The following NF2 variants were observed in gnomAD, a reference collection of about 807,000 sequenced individuals.
The protein encoded by NF2 is merlin.
NF2 carries 8 observed loss-of-function variants against 83.7 expected under a neutral mutation model. That is an observed-to-expected ratio of 0.10 (90% CI 0.06 to 0.17). The LOEUF is 0.17. Ranked by LOEUF, NF2 falls within the 10% of genes least tolerant of loss-of-function variation. The pLI is 1.00. For synonymous variants in NF2, 266 were observed against 269.6 expected (o/e 0.99, Z 0.13); for missense variants, 533 against 744.4 (o/e 0.72, Z 3.31).
At chr22:29,693,511 G>A (rs1434911861) in intron 15 of NF2, among the ~76,000 whole-genome samples, 2 of 151,996 alleles carry the variant, frequency 1.3e-5, no homozygotes, top group Non-Finnish European at 1.5e-5. Flanking sequence ...TTATGGAGCC[G>A]CCGATAGTAC....
chr22:29,694,991 A>C lies in NF2; in HGVS notation c.*189A>C, dbSNP rs754717476. 4.1e-5 allele frequency: 27 copies of C among 655,284 alleles called. No homozygotes were observed. Among genetic ancestry groups the C allele is most frequent in the Non-Finnish European group, 6.6e-5 (24 of 364,392 alleles). 40.6% of individuals were successfully genotyped at this position (655,284 alleles called of 1,614,324 possible). On this transcript the variant is annotated 3_prime_UTR_variant, in exon 16 of 16. Transcript: ENST00000338641. This position sits in a 1 kb window ranked among gnomAD's most constrained non-coding sequence, Gnocchi z 4.1. The stretch of plus-strand genomic sequence containing the variant: ...ATTGCCTTGAACTACGACCCTGTAG[A>C]GATTTCTCTCATGGCGTTCTAGTTC...
At chr22:29,641,235 A>G (rs1474226344) in intron 3 of NF2, among the ~76,000 whole-genome samples, 1 of 152,202 alleles carries the variant, frequency 6.6e-6, no homozygotes, top group African/African-American at 2.4e-5. Context: ...TGCTTGAGAA[A>G]CATCTCAGGT....
intron 4 of NF2, among the ~76,000 whole-genome samples, chr22:29,649,624 C>T (rs970091159): frequency 6.6e-6 from 1 of 152,082 alleles, no homozygotes; most frequent in Admixed American, 6.6e-5. Flanking sequence ...TGCCTGTAAT[C>T]CCAGCTACTC....
chr22:29,670,503 T>TTGTGTGTGTGTGTGTG (rs131255), intron 10 of NF2, among the ~76,000 whole-genome samples: 124 of 146,444 alleles, frequency 8.5e-4, no homozygotes, highest in South Asian at 2.2e-3. Context: ...CTTTTTGAGC[T>TTGTGTGTGTGTGTGTG]TGTGTGTGTG....
chr22:29,692,986 C>T (rs2067448137), intron 15 of NF2, among the ~76,000 whole-genome samples: 1 of 152,238 alleles, frequency 6.6e-6, no homozygotes, highest in Non-Finnish European at 1.5e-5. Context: ...CTGGGCCTTG[C>T]ACCAGGCAGC....
At position 29,678,210 on chromosome 22, in the gene NF2, T is replaced by G; in HGVS notation, c.1461T>G (p.Ile487Met). 6.2e-7 allele frequency: 1 copy of G among 1,614,066 alleles called. No individual in the cohort carries two copies. Among genetic ancestry groups the G allele is most frequent in the African/African-American group, 1.3e-5 (1 of 75,026 alleles). ...TKPTYPPMNP[I>M]PAPLPPDIPS... is the part of the protein sequence containing the mutation. ...CTCATTAACAGCCCATGAACCCAAT[T>G]CCAGCACCGTTGCCTCCTGACATAC... The change falls in exon 14 of 16, where the codon ATT (isoleucine) becomes ATG (methionine). Residue 487 changes from isoleucine to methionine, a missense_variant. By Grantham distance (10) the Ile-to-Met change is conservative. Around this residue, in one of 3 missense-constraint regions of NF2, gnomAD observed 199 missense variants for 240.7 expected, o/e 0.83. Coordinates refer to ENST00000338641, the MANE Select transcript of NF2 (RefSeq NM_000268.4).
chr22:29,672,820 A>G lies in NF2; in HGVS notation c.1123-449A>G, dbSNP rs550104232. Among the ~76,000 whole-genome samples the G allele has an allele frequency of 6.1e-5, 9 of 147,310 alleles. No individual in the cohort carries two copies. The South Asian group carries it at 1.7e-3, about 28-fold the overall frequency. ...TTTTTAGTAGAAATGGGTTTTCACC[A>G]TGTTAGCCAGGCTGGTCTTGAACTC... On this transcript the variant is annotated intron_variant, in intron 11 of 15. Transcript: ENST00000338641.
chr22:29,685,944 G>A (rs1004630063), intron 15 of NF2, among the ~76,000 whole-genome samples: 6 of 150,220 alleles, frequency 4.0e-5, no homozygotes, highest in African/African-American at 1.5e-4. Context: ...ATTCTTACTC[G>A]CTCGCTCTCT....
chr22:29,617,364 C>G (rs1338573269), intron 1 of NF2, among the ~76,000 whole-genome samples: 1 of 152,190 alleles, frequency 6.6e-6, no homozygotes, highest in East Asian at 1.9e-4. Context: ...AACCCTGGCA[C>G]TATTGACATT....
At chr22:29,683,485 C>T (rs1261245190) in intron 15 of NF2, 5 of 1,170,556 alleles carry the variant, frequency 4.3e-6, no homozygotes, top group African/African-American at 3.1e-5. Context: ...ACCTTTTATG[C>T]GTTGACAGCC....
At chr22:29,673,071 T>A (rs1046252323) in intron 11 of NF2, among the ~76,000 whole-genome samples, 198 bp from the exon 12 acceptor site, 1 of 152,198 alleles carries the variant, frequency 6.6e-6, no homozygotes, top group Non-Finnish European at 1.5e-5. Flanking sequence ...TTACTCCCCA[T>A]GGGTGCAGCC....
Position 29,694,947 on chromosome 22 carries a change from C to G in NF2, c.*145C>G. ...AACTTTCCCCAGCTGAGTGAAGAGC[C>G]CAGCCCCTCTTATGTGCAATTGCCT... On this transcript the variant is annotated 3_prime_UTR_variant, in exon 16 of 16. Coordinates refer to ENST00000338641, the MANE Select transcript of NF2 (RefSeq NM_000268.4). This position sits in a 1 kb window ranked among gnomAD's most constrained non-coding sequence, Gnocchi z 4.1. 1.2e-6 allele frequency: 1 copy of G among 806,184 alleles called. No individual in the cohort carries two copies. Among genetic ancestry groups the G allele is most frequent in the South Asian group, 1.4e-5 (1 of 69,092 alleles). The allele number at this position is 806,184 out of a possible 1,614,324, so 49.9% of individuals were successfully genotyped here.
intron 11 of NF2, 47 bp downstream of exon 11, chr22:29,671,995 C>G (rs755291603): frequency 1.4e-5 from 22 of 1,613,522 alleles, no homozygotes; most frequent in Non-Finnish European, 1.9e-5. Flanking sequence ...TGGGGACTTC[C>G]TTGGCTTTTC....
intron 15 of NF2, among the ~76,000 whole-genome samples, chr22:29,686,121 G>C (rs117943290): frequency 1.3e-5 from 2 of 152,198 alleles, no homozygotes; most frequent in Admixed American, 1.3e-4. Context: ...TTGCCCCCAG[G>C]AGTGTTGTGA....
chr22:29,623,366 T>A (rs1432120246), intron 1 of NF2, among the ~76,000 whole-genome samples: 1 of 152,126 alleles, frequency 6.6e-6, no homozygotes, highest in African/African-American at 2.4e-5. Flanking sequence ...GAAGTGTGAT[T>A]TAAAGTGGTT....
intron 2 of NF2, among the ~76,000 whole-genome samples, chr22:29,638,584 T>C (rs560490172): frequency 6.6e-6 from 1 of 152,264 alleles, no homozygotes; most frequent in South Asian, 2.1e-4. Flanking sequence ...ACTCCTGACC[T>C]CAGGTGATCC....
intron 1 of NF2, among the ~76,000 whole-genome samples, chr22:29,614,732 C>T (rs895918007): frequency 1.3e-5 from 2 of 151,740 alleles, no homozygotes; most frequent in African/African-American, 4.8e-5. Context: ...AGTCTCCATC[C>T]CCCACCCAAA....
rs753266591 is a variant in NF2, at chr22:29,681,423, A to G, written c.1575-16A>G. On this transcript the variant is annotated splice_polypyrimidine_tract_variant and intron_variant, in intron 14 of 15. Coordinates refer to ENST00000338641, the MANE Select transcript of NF2 (RefSeq NM_000268.4). ...GTCTGCCCAAGCCCTGATGCATGAT[A>G]CCCTCTTGCCGGCAGAGTGGAATAC... is the stretch of plus-strand genomic sequence containing the variant. 2.5e-6 allele frequency: 4 copies of G among 1,613,340 alleles called. No individual in the cohort carries two copies. Among genetic ancestry groups the G allele is most frequent in the Non-Finnish European group, 3.4e-6 (4 of 1,179,714 alleles).
chr22:29,662,644 A>G (rs1473250153), intron 8 of NF2, among the ~76,000 whole-genome samples: 1 of 152,218 alleles, frequency 6.6e-6, no homozygotes, highest in Non-Finnish European at 1.5e-5. Flanking sequence ...TTTAATCTCT[A>G]TAAGAACACT....
Sources: gnomAD v4.1 joint callset for allele counts (sites outside exome capture counted in the v4.1 genomes callset) on GRCh38, gnomAD v4.1.1 for gene constraint, gnomAD v4.1.1 regional missense constraint, Gnocchi (gnomAD v3.1) non-coding constraint, MANE v1.5 for transcripts, NCBI Gene and HGNC (gene_info 2026-07-23, HGNC 2026-07-21) for gene names.